Variants in MECR observed in about 807,000 individuals in gnomAD.
The protein encoded by MECR is enoyl-[acyl-carrier-protein] reductase, mitochondrial.
In MECR, 37 loss-of-function variants were observed where a neutral mutation model predicts 49.1. The observed-to-expected ratio is 0.75, with a 90% CI of 0.58 to 0.99. The LOEUF is 0.99. Among genes scored for constraint, MECR ranks in the 50% least tolerant of loss-of-function variants. The pLI is 0.00. For synonymous variants in MECR, 198 were observed against 191.1 expected (o/e 1.04, Z -0.30); for missense variants, 470 against 479.6 (o/e 0.98, Z 0.19).
chr1:29,191,606 C>G (rs1007420314), downstream of MECR, among the ~76,000 whole-genome samples: 47 of 152,322 alleles, frequency 3.1e-4, no homozygotes, highest in African/African-American at 1.0e-3. Context: ...ACTTGTCCCA[C>G]TAACCTAGAG....
chr1:29,173,150 T>G, the MECR span: 1 of 131,766 alleles, frequency 7.6e-6, no homozygotes, highest in Non-Finnish European at 1.6e-5. Context: ...TTTTTTTTTT[T>G]TTTTTGAGAC....
the MECR span, among the ~76,000 whole-genome samples, chr1:29,183,604 GAT>G: frequency 6.6e-6 from 1 of 152,168 alleles, no homozygotes; most frequent in Non-Finnish European, 1.5e-5. Flanking sequence ...ATTTTGCAGA[GAT>G]ATGAGTCTTT....
chr1:29,196,104 T>C (rs762865990), intron 8 of MECR, 91 bp from the exon 9 acceptor site: 1 of 1,599,730 alleles, frequency 6.3e-7, no homozygotes, highest in Non-Finnish European at 8.6e-7. Context: ...AACGGGGCAT[T>C]GCCTAAGCTT....
At chr1:29,190,448 T>G (rs1574210909), downstream of MECR, among the ~76,000 whole-genome samples, 2 of 146,594 alleles carry the variant, frequency 1.4e-5, no homozygotes, top group Non-Finnish European at 3.0e-5. Flanking sequence ...ATAAGGAGGG[T>G]GGAAGGGGAA....
chr1:29,216,873 G>A lies in MECR; in HGVS notation c.177-188C>T, dbSNP rs1030414297. On this transcript the variant is annotated intron_variant, in intron 1 of 9. Coordinates refer to ENST00000263702, the MANE Select transcript of MECR (RefSeq NM_016011.5). Reference sequence around the variant, plus strand: ...CAGGAGGCTGGGCGTGGTGGCTCACGCCTGTAATCCCAGCACTTTGGAAGG... The same window carrying A: ...CAGGAGGCTGGGCGTGGTGGCTCACACCTGTAATCCCAGCACTTTGGAAGG... The A allele has an allele frequency of 2.9e-5, 39 of 1,326,886 alleles. No individual in the cohort carries two copies. In the Admixed American group the frequency reaches 7.3e-4, roughly 25 times the overall value. 82.2% of individuals were successfully genotyped at this position (1,326,886 alleles called of 1,614,324 possible).
chr1:29,189,430 C>A (rs944684388), downstream of MECR, among the ~76,000 whole-genome samples: 1 of 151,290 alleles, frequency 6.6e-6, no homozygotes, highest in African/African-American at 2.4e-5. Flanking sequence ...CCAGGCTGGT[C>A]TCGAACTCCT....
At chr1:29,210,698 G>A (rs1677789257) in intron 3 of MECR, among the ~76,000 whole-genome samples, 1 of 152,170 alleles carries the variant, frequency 6.6e-6, no homozygotes, top group South Asian at 2.1e-4. Context: ...AGGGTTTCAA[G>A]TAGAACTCTT....
At chr1:29,183,186 A>C in the MECR span, among the ~76,000 whole-genome samples, 1 of 152,210 alleles carries the variant, frequency 6.6e-6, no homozygotes, top group Non-Finnish European at 1.5e-5. Context: ...TACCCTTATA[A>C]AACAAATAGT....
the MECR span, chr1:29,181,502 C>T: frequency 1.2e-5 from 8 of 655,640 alleles, no homozygotes; most frequent in Admixed American, 4.1e-5. Context: ...TACCCGCGCC[C>T]CCGAGGCGCC....
the MECR span, chr1:29,168,951 T>G: frequency 6.6e-6 from 1 of 152,182 alleles, no homozygotes. Context: ...TATACAAAGG[T>G]TAAAGCAGCA....
chr1:29,209,887 TG>T (rs1173181615), intron 3 of MECR, among the ~76,000 whole-genome samples: 12 of 152,170 alleles, frequency 7.9e-5, no homozygotes, highest in Non-Finnish European at 1.5e-4. Context: ...AATGGTGTCC[TG>T]GTCCTATGTG....
chr1:29,217,652 C>G (rs1426229240), intron 1 of MECR, among the ~76,000 whole-genome samples: 1 of 152,206 alleles, frequency 6.6e-6, no homozygotes, highest in Non-Finnish European at 1.5e-5. Flanking sequence ...CTCTGATCTA[C>G]TAAGCCAGAA....
chr1:29,228,669 A>T (rs769695552), intron 1 of MECR, among the ~76,000 whole-genome samples: 1 of 152,052 alleles, frequency 6.6e-6, no homozygotes, highest in African/African-American at 2.4e-5. Flanking sequence ...ACAGAAGGAC[A>T]TAATAGAAGC....
the MECR span, among the ~76,000 whole-genome samples, chr1:29,176,630 G>C: frequency 6.6e-6 from 1 of 151,754 alleles, no homozygotes; most frequent in Admixed American, 6.6e-5. Flanking sequence ...TAGGTGCTGG[G>C]GTTGGCAGTA....
chr1:29,169,895 T>C, the MECR span: 2 of 152,240 alleles, frequency 1.3e-5, no homozygotes, highest in African/African-American at 2.4e-5. Context: ...AATATGAATT[T>C]AGTCTTACTC....
intron 7 of MECR, among the ~76,000 whole-genome samples, chr1:29,199,111 T>C (rs1441977327): frequency 3.9e-5 from 6 of 152,216 alleles, no homozygotes; most frequent in Non-Finnish European, 7.3e-5. Flanking sequence ...CGCAGCCCTC[T>C]CTGTACCTGG....
rs530522883 is a variant in MECR at position 29,198,331 on chromosome 1, C to T, written c.831-2073G>A. Among the ~76,000 whole-genome samples, 6 of 152,208 alleles carry T rather than the reference C, an allele frequency of 3.9e-5. No homozygotes were observed. In the South Asian group the frequency reaches 6.2e-4, roughly 16 times the overall value. On this transcript the variant is annotated intron_variant, in intron 7 of 9. Transcript: ENST00000263702. ...GAGGGTTTATATAACCCCCATTTTA[C>T]AGATGAAGAGACGGAGGCCTGGATT...
downstream of MECR, among the ~76,000 whole-genome samples, chr1:29,192,025 G>A (rs1358063927): frequency 1.3e-5 from 2 of 152,152 alleles, no homozygotes; most frequent in Non-Finnish European, 2.9e-5. Flanking sequence ...CCAGGAGGTT[G>A]AGGCTGCAGC....
At chr1:29,170,355 T>A in the MECR span, 1 of 152,168 alleles carries the variant, frequency 6.6e-6, no homozygotes, top group African/African-American at 2.4e-5. Flanking sequence ...GAAATAAAGG[T>A]TTACACTCTG....
Sources: allele counts gnomAD v4.1 joint callset (sites outside exome capture counted in the v4.1 genomes callset), GRCh38; gene constraint gnomAD v4.1.1; transcripts MANE v1.5; gene names NCBI Gene and HGNC (gene_info 2026-07-23, HGNC 2026-07-21).